The following ASB13 variants were observed in gnomAD, a reference collection of about 807,000 sequenced individuals.
ASB13 encodes the protein ankyrin repeat and SOCS box containing 13.
Under a neutral mutation model 28.8 loss-of-function variants are expected in ASB13, and 33 were observed. That is an observed-to-expected ratio of 1.15 (90% CI 0.87 to 1.53). The LOEUF is 1.53. ASB13 is among the 40% of genes most tolerant of loss of function. ASB13 has a pLI of 0.00. For synonymous variants in ASB13, 182 were observed against 172.9 expected (o/e 1.05, Z -0.41); for missense variants, 414 against 390.1 (o/e 1.06, Z -0.52).
chr10:5,658,140 A>G lies in ASB13; in HGVS notation c.44-5090T>C, dbSNP rs1481217499. On this transcript the variant is annotated intron_variant, in intron 1 of 5. Transcript: ENST00000357700. This position sits in a 1 kb window ranked among gnomAD's most constrained non-coding sequence, Gnocchi z 4.2. ...ACCACTGCACTCCAGCCTGGGTGAC[A>G]GAGAGAGACTCTGTCTCAAAAATAA... Among the ~76,000 whole-genome samples, 1 of 151,386 alleles carries G rather than the reference A, an allele frequency of 6.6e-6. No individual in the cohort carries two copies. The highest frequency in any genetic ancestry group is 1.5e-5 in the Non-Finnish European group (1 of 67,902).
In ASB13 at chr10:5,641,672, ACAGCC is replaced by A; in HGVS notation, c.709+93_709+97del. On this transcript the variant is annotated intron_variant, in intron 5 of 5. Transcript: ENST00000357700. This position sits in a 1 kb window ranked among gnomAD's most constrained non-coding sequence, Gnocchi z 8.4. ...GCGCAGAGGACAGGAGCCAGGACTA[ACAGCC>A]CAGCTCTCCGCGGAAGCCCACAGGG... 7.6e-7 allele frequency: 1 copy of A among 1,317,096 alleles called. No individual in the cohort carries two copies. The highest frequency in any genetic ancestry group is 2.3e-5 in the Admixed American group (1 of 43,284). 81.6% of individuals were successfully genotyped at this position (1,317,096 alleles called of 1,614,324 possible). A position where few individuals can be genotyped will look rare whatever the true frequency, so the allele number is the denominator to read the frequency against.
Position 5,658,419 on chromosome 10 carries a change from T to TG in ASB13, c.44-5370dup, listed in dbSNP as rs1367504325. Among the ~76,000 whole-genome samples the TG allele has an allele frequency of 7.1e-6, 1 of 140,972 alleles. No individual in the cohort carries two copies. Among genetic ancestry groups the TG allele is most frequent in the Admixed American group, 7.1e-5 (1 of 14,030 alleles). 92.5% of individuals were successfully genotyped at this position (140,972 alleles called of 152,430 possible). A position where few individuals can be genotyped will look rare whatever the true frequency, so the allele number is the denominator to read the frequency against. On this transcript the variant is annotated intron_variant, in intron 1 of 5. Coordinates refer to ENST00000357700, the MANE Select transcript of ASB13 (RefSeq NM_024701.4). The surrounding 1 kb of genome is among the most constrained non-coding windows in gnomAD (Gnocchi z 4.2). ...GCACTACGGCCTGGGTGACTTTGTC[T>TG]GAAAAAAAAAAAAAAAACAAAACCA...
Position 5,642,324 on chromosome 10 carries a change from A to T in ASB13, c.518-363T>A. The T allele has an allele frequency of 6.0e-6, 2 of 335,930 alleles. No homozygotes were observed. Among genetic ancestry groups the T allele is most frequent in the Non-Finnish European group, 1.0e-5 (2 of 199,362 alleles). The allele number at this position is 335,930 out of a possible 1,614,324, so 20.8% of individuals were successfully genotyped here. On this transcript the variant is annotated intron_variant, in intron 4 of 5. Transcript: ENST00000357700. The surrounding 1 kb of genome is among the most constrained non-coding windows in gnomAD (Gnocchi z 4.1). Reference sequence around the variant, plus strand: ...CGGAAGCTCAAACCAGAGCCACTCAAGCACTCCCGCCTGGCCTCCAGCACA... The same window carrying T: ...CGGAAGCTCAAACCAGAGCCACTCATGCACTCCCGCCTGGCCTCCAGCACA...
Position 5,642,375 on chromosome 10 carries a change from G to T in ASB13, c.518-414C>A. Reference sequence around the variant, plus strand: ...GACACACACTGCTTCTTCCTCTTGCGGGCCCAGGACGGAGGCTCCAGAAAT... The same window carrying T: ...GACACACACTGCTTCTTCCTCTTGCTGGCCCAGGACGGAGGCTCCAGAAAT... On this transcript the variant is annotated intron_variant, in intron 4 of 5. Coordinates refer to ENST00000357700, the MANE Select transcript of ASB13 (RefSeq NM_024701.4). This position sits in a 1 kb window ranked among gnomAD's most constrained non-coding sequence, Gnocchi z 4.1. 3.3e-6 allele frequency: 2 copies of T among 604,950 alleles called. No homozygotes were observed. Among genetic ancestry groups the T allele is most frequent in the Non-Finnish European group, 4.6e-6 (2 of 437,922 alleles). 37.5% of individuals were successfully genotyped at this position (604,950 alleles called of 1,614,324 possible). A position where few individuals can be genotyped will look rare whatever the true frequency, so the allele number is the denominator to read the frequency against.
At chr10:5,648,555 T>TAAACACCCACGCAGGC (rs375709002) in intron 4 of ASB13, among the ~76,000 whole-genome samples, 2 of 103,148 alleles carry the variant, frequency 1.9e-5, no homozygotes, top group Non-Finnish European at 4.2e-5. Flanking sequence ...CCCACTCAGG[T>TAAACACCCACGCAGGC]AAACACCCAC....
At chr10:5,643,440 A>G (rs1348985040) in intron 4 of ASB13, among the ~76,000 whole-genome samples, 1 of 152,212 alleles carries the variant, frequency 6.6e-6, no homozygotes, top group African/African-American at 2.4e-5. Flanking sequence ...CTCCAAAGTG[A>G]TGACATAATT....
At chr10:5,647,096 G>A (rs899486884) in intron 4 of ASB13, among the ~76,000 whole-genome samples, 1 of 152,146 alleles carries the variant, frequency 6.6e-6, no homozygotes, top group African/African-American at 2.4e-5. Context: ...GTCATCAGGG[G>A]GAATTCATGA....
Position 5,651,547 on chromosome 10 carries a change from G to T in ASB13, c.232-184C>A. On this transcript the variant is annotated intron_variant, in intron 2 of 5. Transcript: ENST00000357700. The surrounding 1 kb of genome is among the most constrained non-coding windows in gnomAD (Gnocchi z 5.1). ...GGCTGCGGAGCACCGACGGCCTCCT[G>T]AGTAGAGAAGTCATCTCGTTCAGGA... 1 of 609,140 alleles carries T rather than the reference G, an allele frequency of 1.6e-6. No homozygotes were observed. Among genetic ancestry groups the T allele is most frequent in the Non-Finnish European group, 2.8e-6 (1 of 360,162 alleles). 37.7% of individuals were successfully genotyped at this position (609,140 alleles called of 1,614,324 possible). A position where few individuals can be genotyped will look rare whatever the true frequency, so the allele number is the denominator to read the frequency against.
chr10:5,661,552 T>G lies in ASB13; in HGVS notation c.43+4957A>C, dbSNP rs1835166503. Among the ~76,000 whole-genome samples, 1 of 152,210 alleles carries G rather than the reference T, an allele frequency of 6.6e-6. No individual in the cohort carries two copies. The highest frequency in any genetic ancestry group is 2.1e-4 in the South Asian group (1 of 4,828). On this transcript the variant is annotated intron_variant, in intron 1 of 5. Coordinates refer to ENST00000357700, the MANE Select transcript of ASB13 (RefSeq NM_024701.4). The surrounding 1 kb of genome is among the most constrained non-coding windows in gnomAD (Gnocchi z 4.9). ...CGCTGTCACCCAAGCTGAAGTGCAG[T>G]GGTGTGATCAGGGCTCACTGCAGCC...
In ASB13 at chr10:5,651,229, G is replaced by A. The variant is rs746176227; in HGVS notation, c.366C>T (p.His122=). The A allele has an allele frequency of 8.1e-6, 13 of 1,611,922 alleles. No homozygotes were observed. In the South Asian group the frequency reaches 8.8e-5, roughly 11 times the overall value. Residue 122 remains histidine (H), a synonymous_variant, in exon 3 of 6, where the codon CAC becomes CAT. Transcript: ENST00000357700. The surrounding 1 kb of genome is among the most constrained non-coding windows in gnomAD (Gnocchi z 5.1). ...CCAACTCACCGCTCATGCAGGCCTCGTGCAGGGGGGACGCTGTGTACAGGG... is the reference window on the plus strand; with the variant it reads ...CCAACTCACCGCTCATGCAGGCCTCATGCAGGGGGGACGCTGTGTACAGGG... The part of the protein sequence containing the change: ...NPPLYTASPL[H]EACMSGSSEC...
chr10:5,660,193 C>T lies in ASB13; in HGVS notation c.43+6316G>A, dbSNP rs1268190639. On this transcript the variant is annotated intron_variant, in intron 1 of 5. Coordinates refer to ENST00000357700, the MANE Select transcript of ASB13 (RefSeq NM_024701.4). The surrounding 1 kb of genome is among the most constrained non-coding windows in gnomAD (Gnocchi z 6.1). Reference sequence around the variant, plus strand: ...GAAAACTAGAGTTTCACAGATGTCACCTATGTATCTACTGCAGACTACGGC... The same window carrying T: ...GAAAACTAGAGTTTCACAGATGTCATCTATGTATCTACTGCAGACTACGGC... 1.3e-5 allele frequency among the ~76,000 whole-genome samples: 2 copies of T among 152,196 alleles called. No homozygotes were observed. The highest frequency in any genetic ancestry group is 1.9e-4 in the East Asian group (1 of 5,196).
Position 5,644,804 on chromosome 10 carries a change from C to T in ASB13, c.518-2843G>A, listed in dbSNP as rs1218542813. On this transcript the variant is annotated intron_variant, in intron 4 of 5. Coordinates refer to ENST00000357700, the MANE Select transcript of ASB13 (RefSeq NM_024701.4). This position sits in a 1 kb window ranked among gnomAD's most constrained non-coding sequence, Gnocchi z 5.1. ...CTGCACTCCAGCCTGGGTGACAGAACGAGACTCCATCTCAGAAAAAAAAGA... is the reference window on the plus strand; with the variant it reads ...CTGCACTCCAGCCTGGGTGACAGAATGAGACTCCATCTCAGAAAAAAAAGA... Among the ~76,000 whole-genome samples the T allele has an allele frequency of 6.6e-6, 1 of 150,852 alleles. No homozygotes were observed. The highest frequency in any genetic ancestry group is 1.5e-5 in the Non-Finnish European group (1 of 67,840).
chr10:5,646,671 A>C (rs532302861), intron 4 of ASB13, among the ~76,000 whole-genome samples: 1 of 152,344 alleles, frequency 6.6e-6, no homozygotes, highest in East Asian at 1.9e-4. Context: ...ATTGTTTACC[A>C]GTGGAAGTGG....
intron 1 of ASB13, among the ~76,000 whole-genome samples, chr10:5,665,504 AAT>A (rs1347133568): frequency 6.6e-6 from 1 of 152,238 alleles, no homozygotes; most frequent in Admixed American, 6.5e-5. Flanking sequence ...GAAATATTAA[AAT>A]ATGTGTTTAA....
rs1318113663 is a variant in ASB13, at chr10:5,651,575, C to A, written c.232-212G>T. On this transcript the variant is annotated intron_variant, in intron 2 of 5. Coordinates refer to ENST00000357700, the MANE Select transcript of ASB13 (RefSeq NM_024701.4). This position sits in a 1 kb window ranked among gnomAD's most constrained non-coding sequence, Gnocchi z 5.1. ...TAGAGAAGTCATCTCGTTCAGGATT[C>A]TTTTCTCTCAGGGCAGGATAAGCTC... 8 of 549,304 alleles carry A rather than the reference C, an allele frequency of 1.5e-5. No homozygotes were observed. The East Asian group carries it at 2.4e-4, about 16-fold the overall frequency. 34.0% of individuals were successfully genotyped at this position (549,304 alleles called of 1,614,324 possible).
In ASB13 at chr10:5,661,328, C is replaced by T. The variant is rs938861981; in HGVS notation, c.43+5181G>A. Reference sequence around the variant, plus strand: ...CAGCAGAGCCACTTGCCCCCAACCCCGCCCCGCCGAGCCTGGGGCCTCTCC... The same window carrying T: ...CAGCAGAGCCACTTGCCCCCAACCCTGCCCCGCCGAGCCTGGGGCCTCTCC... On this transcript the variant is annotated intron_variant, in intron 1 of 5. Coordinates refer to ENST00000357700, the MANE Select transcript of ASB13 (RefSeq NM_024701.4). The surrounding 1 kb of genome is among the most constrained non-coding windows in gnomAD (Gnocchi z 4.9). 1.1e-4 allele frequency among the ~76,000 whole-genome samples: 16 copies of T among 152,310 alleles called. No homozygotes were observed. In the East Asian group the frequency reaches 2.7e-3, roughly 26 times the overall value.
rs749950009 is a variant in ASB13, at chr10:5,650,568, G to A, written c.382+645C>T. The stretch of plus-strand genomic sequence containing the variant: ...AAGCCACAGTTTGCAACCTCTGCTC[G>A]AAAGAGTAGAATCTAAACTCCTTAG... On this transcript the variant is annotated intron_variant, in intron 3 of 5. Transcript: ENST00000357700. The surrounding 1 kb of genome is among the most constrained non-coding windows in gnomAD (Gnocchi z 6.0). Among the ~76,000 whole-genome samples, 8 of 152,178 alleles carry A rather than the reference G, an allele frequency of 5.3e-5. No homozygotes were observed. Among genetic ancestry groups the A allele is most frequent in the Admixed American group, 1.3e-4 (2 of 15,282 alleles).
chr10:5,649,192 C>T lies in ASB13; in HGVS notation c.383-88G>A. The T allele has an allele frequency of 1.9e-6, 3 of 1,565,658 alleles. No individual in the cohort carries two copies. Among genetic ancestry groups the T allele is most frequent in the Non-Finnish European group, 2.6e-6 (3 of 1,151,258 alleles). Reference sequence around the variant, plus strand: ...ACAGACGCGGCAGGGGCAGCAGCCTCCATCCTTGGTGCAGGGCAGGGAAGC... The same window carrying T: ...ACAGACGCGGCAGGGGCAGCAGCCTTCATCCTTGGTGCAGGGCAGGGAAGC... On this transcript the variant is annotated intron_variant, in intron 3 of 5. Transcript: ENST00000357700. This position sits in a 1 kb window ranked among gnomAD's most constrained non-coding sequence, Gnocchi z 6.4.
In ASB13 at chr10:5,644,354, G is replaced by A. The variant is rs1834851123; in HGVS notation, c.518-2393C>T. On this transcript the variant is annotated intron_variant, in intron 4 of 5. Transcript: ENST00000357700. The surrounding 1 kb of genome is among the most constrained non-coding windows in gnomAD (Gnocchi z 5.1). ...ACAAAAATTTAAAAATTACCCGGGGGGCGTGATGGCACACATCTGTGGTCC... is the reference window on the plus strand; with the variant it reads ...ACAAAAATTTAAAAATTACCCGGGGAGCGTGATGGCACACATCTGTGGTCC... Among the ~76,000 whole-genome samples, 1 of 152,132 alleles carries A rather than the reference G, an allele frequency of 6.6e-6. No individual in the cohort carries two copies. The highest frequency in any genetic ancestry group is 2.4e-5 in the African/African-American group (1 of 41,422).
Sources: allele counts gnomAD v4.1 joint callset (sites outside exome capture counted in the v4.1 genomes callset), GRCh38; gene constraint gnomAD v4.1.1; non-coding constraint Gnocchi (gnomAD v3.1); transcripts MANE v1.5; gene names NCBI Gene and HGNC (gene_info 2026-07-23, HGNC 2026-07-21).